TBC1D32: variants seen among roughly 807,000 people sequenced by gnomAD.
TBC1D32 encodes protein broad-minded.
TBC1D32 carries 151 observed loss-of-function variants against 170.3 expected under a neutral mutation model. The ratio of observed to expected loss-of-function variants is 0.89; its 90% confidence interval spans 0.78 to 1.01. The LOEUF is 1.01. TBC1D32 is among the 50% of genes least tolerant of loss of function. TBC1D32 has a pLI of 0.00. For synonymous variants in TBC1D32, 498 were observed against 488.0 expected (o/e 1.02, Z -0.27); for missense variants, 1,464 against 1,457.1 (o/e 1.00, Z -0.08).
chr6:121,306,527 T>C (rs1583670728), intron 5 of TBC1D32, among the ~76,000 whole-genome samples: 2 of 152,170 alleles, frequency 1.3e-5, no homozygotes, highest in East Asian at 3.9e-4. Context: ...ACTCTTCTGC[T>C]AATGCCTTAA....
chr6:121,241,998 G>A (rs534191083), intron 18 of TBC1D32, among the ~76,000 whole-genome samples: 1 of 152,096 alleles, frequency 6.6e-6, no homozygotes, highest in South Asian at 2.1e-4. Context: ...CTGGTTGTTT[G>A]CAATTCTGTA....
At chr6:121,081,135 C>CA (rs1249031193) in intron 31 of TBC1D32, among the ~76,000 whole-genome samples, 10 of 151,446 alleles carry the variant, frequency 6.6e-5, no homozygotes, top group East Asian at 1.9e-4. Flanking sequence ...TTACAGCTAC[C>CA]AAAAAAACAA....
chr6:121,091,147 G>T (rs6931402), intron 30 of TBC1D32, 106 bp from the exon 31 acceptor site: 152,040 of 893,092 alleles, frequency 0.17, 19,612 homozygotes, highest in African/African-American at 0.57. Flanking sequence ...AAAAGCTTAG[G>T]GCTTAATCAA....
At chr6:121,256,449 G>A (rs1799028352) in intron 15 of TBC1D32, among the ~76,000 whole-genome samples, 164 bp from the exon 16 acceptor site, 1 of 152,052 alleles carries the variant, frequency 6.6e-6, no homozygotes, top group African/African-American at 2.4e-5. Context: ...CTAGTAATGA[G>A]AACAGTTTCC....
chr6:121,272,651 A>T (rs1801628157), intron 15 of TBC1D32, among the ~76,000 whole-genome samples: 1 of 152,110 alleles, frequency 6.6e-6, no homozygotes, highest in African/African-American at 2.4e-5. Context: ...ACACTTTTAC[A>T]CTGTTGGTGG....
chr6:121,324,900 C>T (rs74338848), intron 1 of TBC1D32, among the ~76,000 whole-genome samples: 5 of 152,244 alleles, frequency 3.3e-5, no homozygotes, highest in Admixed American at 1.3e-4. Flanking sequence ...CAGATGTGCA[C>T]GATGAGGTAA....
intron 30 of TBC1D32, among the ~76,000 whole-genome samples, chr6:121,095,584 CTTA>C (rs1331247741): frequency 6.6e-6 from 1 of 152,038 alleles, no homozygotes; most frequent in East Asian, 1.9e-4. Flanking sequence ...ATAAATAGCT[CTTA>C]TTATTTTGAG....
At chr6:121,160,659 G>C (rs138293512) in intron 23 of TBC1D32, among the ~76,000 whole-genome samples, 1,710 of 152,198 alleles carry the variant, frequency 0.011, 7 homozygotes, top group Middle Eastern at 0.027. Context: ...GACATTGAAA[G>C]TAAAATATTC....
At chr6:121,323,828 T>C (rs1375494218) in intron 1 of TBC1D32, among the ~76,000 whole-genome samples, 1 of 152,086 alleles carries the variant, frequency 6.6e-6, no homozygotes, top group Non-Finnish European at 1.5e-5. Context: ...TAGTCCCAGT[T>C]ACTCGGGAGG....
At chr6:121,168,265 A>T (rs1232079365) in intron 22 of TBC1D32, among the ~76,000 whole-genome samples, 1 of 136,032 alleles carries the variant, frequency 7.4e-6, no homozygotes, top group Non-Finnish European at 1.5e-5. Flanking sequence ...ATGCACACGT[A>T]TGTTTATTGC....
intron 22 of TBC1D32, among the ~76,000 whole-genome samples, chr6:121,186,895 A>G (rs1789272887): frequency 7.3e-6 from 1 of 136,990 alleles, no homozygotes; most frequent in Non-Finnish European, 1.6e-5. Flanking sequence ...TAAAACTTTA[A>G]TGCTCTGAGG....
At chr6:121,115,123 T>C in intron 27 of TBC1D32, 49 bp downstream of exon 27, 1 of 1,472,484 alleles carries the variant, frequency 6.8e-7, no homozygotes, top group Non-Finnish European at 9.3e-7. Context: ...ATGAGGCAGA[T>C]AAAACAAATT....
At chr6:121,295,408 C>A (rs1805468565) in intron 10 of TBC1D32, among the ~76,000 whole-genome samples, 1 of 151,054 alleles carries the variant, frequency 6.6e-6, no homozygotes, top group South Asian at 2.1e-4. Context: ...GTGAATAAAG[C>A]CAGACTATAC....
At position 121,242,235 on chromosome 6, in the gene TBC1D32, G is replaced by A. The variant is rs1179008562; in HGVS notation, c.2123C>T (p.Thr708Ile). ...QRTGAINECV[T>I]FIFNRYAKKL... Reference sequence around the variant, plus strand: ...TTTTGCATATCGATTGAATATAAATGTCACACATTCATTGATAGCACCTGT... The same window carrying A: ...TTTTGCATATCGATTGAATATAAATATCACACATTCATTGATAGCACCTGT... The change falls in exon 18 of 32, where the codon ACA (threonine) becomes ATA (isoleucine). Residue 708 changes from threonine (T) to isoleucine (I), a missense_variant. Physicochemically the swap from Thr to Ile is moderately conservative, Grantham distance 89. This residue lies in a region of TBC1D32 where 1,363 missense variants were observed against 1,338.1 expected (regional missense o/e 1.02). Coordinates refer to ENST00000398212, the MANE Select transcript of TBC1D32 (RefSeq NM_152730.6). 26 of 1,612,128 alleles carry A rather than the reference G, an allele frequency of 1.6e-5. No individual in the cohort carries two copies. Among genetic ancestry groups the A allele is most frequent in the African/African-American group, 2.7e-5 (2 of 74,804 alleles).
intron 24 of TBC1D32, among the ~76,000 whole-genome samples, chr6:121,147,982 G>C (rs1371991446): frequency 3.2e-5 from 4 of 126,666 alleles, no homozygotes; most frequent in Non-Finnish European, 6.9e-5. Context: ...TGGAATATTT[G>C]TTTGTTGGTT....
intron 30 of TBC1D32, among the ~76,000 whole-genome samples, chr6:121,102,924 G>T (rs1401382619): frequency 6.6e-6 from 1 of 151,990 alleles, no homozygotes; most frequent in Non-Finnish European, 1.5e-5. Flanking sequence ...CAAAAAGAAG[G>T]ATATGAACAG....
intron 26 of TBC1D32, among the ~76,000 whole-genome samples, chr6:121,124,171 C>T (rs1780586120): frequency 1.3e-5 from 2 of 152,004 alleles, no homozygotes; most frequent in Admixed American, 1.3e-4. Context: ...CATCCTTTTC[C>T]TTCCATTTTA....
At chr6:121,169,981 C>A (rs1786729734) in intron 22 of TBC1D32, among the ~76,000 whole-genome samples, 8 of 151,970 alleles carry the variant, frequency 5.3e-5, no homozygotes, top group Admixed American at 5.2e-4. Flanking sequence ...ATAAAGAGTG[C>A]CTCTGCAAAG....
chr6:121,125,217 C>T (rs546143569), intron 26 of TBC1D32, among the ~76,000 whole-genome samples: 9 of 152,144 alleles, frequency 5.9e-5, no homozygotes, highest in South Asian at 2.1e-4. Context: ...ACTGAGCCTG[C>T]GACTATTGTA....
Sources: gnomAD v4.1 joint callset for allele counts (sites outside exome capture counted in the v4.1 genomes callset) on GRCh38, gnomAD v4.1.1 for gene constraint, gnomAD v4.1.1 regional missense constraint, MANE v1.5 for transcripts, NCBI Gene and HGNC (gene_info 2026-07-23, HGNC 2026-07-21) for gene names.